Variants in IL1RAPL1 observed in about 807,000 individuals in gnomAD.
IL1RAPL1 encodes the protein interleukin-1 receptor accessory protein-like 1.
Under a neutral mutation model 48.4 loss-of-function variants are expected in IL1RAPL1, and 3 were observed. The observed-to-expected ratio is 0.06, with a 90% CI of 0.03 to 0.16. The LOEUF is 0.16. Ranked by LOEUF, IL1RAPL1 falls within the 10% of genes least tolerant of loss-of-function variation. IL1RAPL1 has a pLI of 1.00. For synonymous variants in IL1RAPL1, 185 were observed against 187.7 expected (o/e 0.99, Z 0.12); for missense variants, 349 against 530.6 (o/e 0.66, Z 3.36).
At position 28,850,030 on chromosome X, in the gene IL1RAPL1, T is replaced by A. The variant is rs572469430; in HGVS notation, c.82+60605T>A. ...TGATGGAACTGATTAATTAGGGTGA[T>A]TTTCTGTTTTTGTGGTCAATTGAAA... On this transcript the variant is annotated intron_variant, in intron 2 of 10. Transcript: ENST00000378993. Among the ~76,000 whole-genome samples, 21 of 111,895 alleles carry A rather than the reference T, an allele frequency of 1.9e-4. 1 individual carries two copies. The South Asian group carries it at 6.6e-3, about 35-fold the overall frequency.
chrX:28,753,475 A>T (rs1381623997), intron 1 of IL1RAPL1, among the ~76,000 whole-genome samples: 2 of 112,317 alleles, frequency 1.8e-5, no homozygotes, highest in East Asian at 5.6e-4. Context: ...ATAGGTTCCG[A>T]ATCTTCCTCC....
At chrX:28,885,246 A>G (rs977751990) in intron 2 of IL1RAPL1, among the ~76,000 whole-genome samples, 4 of 111,623 alleles carry the variant, frequency 3.6e-5, no homozygotes, top group Non-Finnish European at 5.7e-5. Flanking sequence ...ACAGAGATGT[A>G]AAATAACTCA....
intron 6 of IL1RAPL1, among the ~76,000 whole-genome samples, chrX:29,915,750 TTTA>T (rs1449472400): frequency 2.1e-4 from 20 of 97,317 alleles, no homozygotes; most frequent in African/African-American, 6.7e-4. Flanking sequence ...AATTTTTATT[TTTA>T]TTATTTTTAT....
At chrX:29,723,336 C>A (rs1318455290) in intron 6 of IL1RAPL1, among the ~76,000 whole-genome samples, 1 of 112,048 alleles carries the variant, frequency 8.9e-6, no homozygotes, top group Non-Finnish European at 1.9e-5. Flanking sequence ...GCAACCTGTG[C>A]CTCCCGGGCT....
At chrX:28,810,955 C>T (rs1289424587) in intron 2 of IL1RAPL1, among the ~76,000 whole-genome samples, 1 of 109,628 alleles carries the variant, frequency 9.1e-6, no homozygotes, top group Non-Finnish European at 1.9e-5. Context: ...TTTTTTCTAT[C>T]AGCTGGTCAA....
chrX:29,436,747 G>C (rs1261285980), intron 5 of IL1RAPL1, among the ~76,000 whole-genome samples: 1 of 110,494 alleles, frequency 9.1e-6, no homozygotes, highest in Non-Finnish European at 1.9e-5. Flanking sequence ...TGAAGGCAAA[G>C]TCAAAAATAA....
chrX:29,816,893 T>C (rs1930506898), intron 6 of IL1RAPL1, among the ~76,000 whole-genome samples: 1 of 110,340 alleles, frequency 9.1e-6, no homozygotes, highest in Non-Finnish European at 1.9e-5. Flanking sequence ...TATGTAAATA[T>C]CGTTTATCCC....
At chrX:29,879,355 A>ATGTGTGTGTG (rs1259650807) in intron 6 of IL1RAPL1, among the ~76,000 whole-genome samples, 5 of 81,398 alleles carry the variant, frequency 6.1e-5, no homozygotes, top group African/African-American at 2.5e-4. Flanking sequence ...GTAGTTTTAT[A>ATGTGTGTGTG]TATGTGTGTG....
At position 29,867,878 on chromosome X, in the gene IL1RAPL1, C is replaced by T. The variant is rs1464526207; in HGVS notation, c.779-49586C>T. Among the ~76,000 whole-genome samples, 4 of 112,040 alleles carry T rather than the reference C, an allele frequency of 3.6e-5. No homozygotes were observed. The East Asian group carries it at 1.1e-3, about 32-fold the overall frequency. ...ATACAATTCTAAGTCATCATTAAGGCCAATTCAGAACGTGGAGATTTTATA... is the reference window on the plus strand; with the variant it reads ...ATACAATTCTAAGTCATCATTAAGGTCAATTCAGAACGTGGAGATTTTATA... On this transcript the variant is annotated intron_variant, in intron 6 of 10. Transcript: ENST00000378993.
chrX:29,392,354 C>T (rs139145213), intron 3 of IL1RAPL1, among the ~76,000 whole-genome samples: 89 of 111,950 alleles, frequency 7.9e-4, no homozygotes, highest in African/African-American at 2.3e-3. Context: ...AGTTATGTCG[C>T]GAGTTTGATG....
At chrX:28,849,213 A>G (rs1300155394) in intron 2 of IL1RAPL1, among the ~76,000 whole-genome samples, 1 of 110,910 alleles carries the variant, frequency 9.0e-6, no homozygotes, top group Non-Finnish European at 1.9e-5. Context: ...GGAAAAAATC[A>G]CCATTGTTCT....
At chrX:29,375,756 A>T (rs763805245) in intron 3 of IL1RAPL1, among the ~76,000 whole-genome samples, 2 of 112,375 alleles carry the variant, frequency 1.8e-5, no homozygotes, top group Non-Finnish European at 3.8e-5. Context: ...TAGTCTATTC[A>T]GAGTTTTAAT....
At chrX:29,131,337 G>T (rs225066) in intron 2 of IL1RAPL1, among the ~76,000 whole-genome samples, 41,561 of 108,248 alleles carry the variant, frequency 0.38, 6,958 homozygotes, top group Non-Finnish European at 0.51. Flanking sequence ...ACTAATCGAA[G>T]ATCTTGTCTA....
intron 2 of IL1RAPL1, among the ~76,000 whole-genome samples, chrX:28,902,006 T>A (rs1923087743): frequency 9.0e-6 from 1 of 111,322 alleles, no homozygotes; most frequent in Non-Finnish European, 1.9e-5. Flanking sequence ...AATAATAAGG[T>A]GTACTTTTTG....
intron 1 of IL1RAPL1, among the ~76,000 whole-genome samples, chrX:28,696,086 C>T (rs1406176298): frequency 9.0e-6 from 1 of 111,519 alleles, no homozygotes; most frequent in African/African-American, 3.3e-5. Context: ...ATATTTTATT[C>T]AGCTTATTTA....
At chrX:29,179,715 CTT>C in intron 2 of IL1RAPL1, among the ~76,000 whole-genome samples, 1 of 111,362 alleles carries the variant, frequency 9.0e-6, no homozygotes, top group South Asian at 3.8e-4. Context: ...TCTGCTGTGA[CTT>C]TTAATTTTTT....
At chrX:29,282,854 G>T in intron 2 of IL1RAPL1, 84 bp from the exon 3 acceptor site, 1 of 980,518 alleles carries the variant, frequency 1.0e-6, no homozygotes, top group South Asian at 2.0e-5. Flanking sequence ...GTAAATATTT[G>T]TTGGATGAAT....
At chrX:29,127,717 T>G (rs772774316) in intron 2 of IL1RAPL1, among the ~76,000 whole-genome samples, 4 of 111,687 alleles carry the variant, frequency 3.6e-5, no homozygotes, top group African/African-American at 1.3e-4. Flanking sequence ...CCCAGCACTT[T>G]GGGAGTCCGA....
At chrX:29,230,913 A>T (rs1428696388) in intron 2 of IL1RAPL1, among the ~76,000 whole-genome samples, 1 of 111,589 alleles carries the variant, frequency 9.0e-6, no homozygotes, top group Admixed American at 9.6e-5. Flanking sequence ...AACTCATGGT[A>T]GTCTGAAATA....
Sources: allele counts gnomAD v4.1 joint callset (sites outside exome capture counted in the v4.1 genomes callset), GRCh38; gene constraint gnomAD v4.1.1; transcripts MANE v1.5; gene names NCBI Gene and HGNC (gene_info 2026-07-23, HGNC 2026-07-21).